The following COLEC10 variants were observed in gnomAD, a reference collection of about 807,000 sequenced individuals.
The protein encoded by COLEC10 is collectin subfamily member 10.
In COLEC10, 22 loss-of-function variants were observed where a neutral mutation model predicts 28.4. The observed-to-expected ratio is 0.78, with a 90% CI of 0.55 to 1.11. The LOEUF (loss-of-function observed/expected upper bound fraction) is 1.11, where lower values mean the gene tolerates loss of function less well. COLEC10 is among the 50% of genes least tolerant of loss of function. COLEC10 has a pLI of 0.00. For synonymous variants in COLEC10, 125 were observed against 116.1 expected (o/e 1.08, Z -0.49); for missense variants, 361 against 344.1 (o/e 1.05, Z -0.39).
intron 1 of COLEC10, among the ~76,000 whole-genome samples, chr8:119,069,189 C>T (rs1815036670): frequency 6.6e-6 from 1 of 152,178 alleles, no homozygotes; most frequent in Non-Finnish European, 1.5e-5. Flanking sequence ...AAATTTCCTA[C>T]ACACCTAAAT....
the COLEC10 span, among the ~76,000 whole-genome samples, chr8:118,953,026 A>G: frequency 4.1e-4 from 63 of 152,228 alleles, no homozygotes; most frequent in African/African-American, 1.5e-3. Context: ...ACCAGATTCA[A>G]GGGAAGGAAG....
At chr8:119,057,005 C>A (rs1814773619) in intron 2 of COLEC10, among the ~76,000 whole-genome samples, 1 of 152,028 alleles carries the variant, frequency 6.6e-6, no homozygotes, top group South Asian at 2.1e-4. Flanking sequence ...TCTTTTATTC[C>A]TCTCCCACTT....
At chr8:119,020,811 C>T (rs919492139) in intron 2 of COLEC10, among the ~76,000 whole-genome samples, 1 of 152,014 alleles carries the variant, frequency 6.6e-6, no homozygotes, top group African/African-American at 2.4e-5. Flanking sequence ...TTACAACATG[C>T]CTAGTTCTTC....
At chr8:118,974,802 C>A in the COLEC10 span, among the ~76,000 whole-genome samples, 2 of 152,016 alleles carry the variant, frequency 1.3e-5, no homozygotes, top group African/African-American at 4.8e-5. Context: ...CAACCTTATC[C>A]ATTACTATCA....
chr8:118,957,431 A>G, the COLEC10 span, among the ~76,000 whole-genome samples: 1 of 152,186 alleles, frequency 6.6e-6, no homozygotes, highest in Non-Finnish European at 1.5e-5. Context: ...TGATCAGACA[A>G]TGGAGGTAGA....
At chr8:119,023,741 C>T (rs1327630969) in intron 2 of COLEC10, among the ~76,000 whole-genome samples, 1 of 152,116 alleles carries the variant, frequency 6.6e-6, no homozygotes, top group Non-Finnish European at 1.5e-5. Flanking sequence ...AACATTCATT[C>T]TCTATTTTTC....
At chr8:118,965,589 C>A in the COLEC10 span, among the ~76,000 whole-genome samples, 1 of 151,826 alleles carries the variant, frequency 6.6e-6, no homozygotes, top group South Asian at 2.1e-4. Context: ...GTGTGCCTGG[C>A]AATTCCAGTC....
chr8:118,985,428 G>C, the COLEC10 span, among the ~76,000 whole-genome samples: 17 of 152,042 alleles, frequency 1.1e-4, no homozygotes, highest in African/African-American at 2.4e-5. Flanking sequence ...TATTGTGCAG[G>C]AGTATGAGAG....
At chr8:119,089,293 C>T (rs1815542044) in intron 1 of COLEC10, among the ~76,000 whole-genome samples, 1 of 151,996 alleles carries the variant, frequency 6.6e-6, no homozygotes, top group African/African-American at 2.4e-5. Context: ...CTCAAGCATG[C>T]AGTCAGAGAG....
At chr8:118,969,319 C>T in the COLEC10 span, among the ~76,000 whole-genome samples, 17 of 152,112 alleles carry the variant, frequency 1.1e-4, no homozygotes, top group East Asian at 3.3e-3. Flanking sequence ...TTTCTTTAAG[C>T]CACTAGATGT....
chr8:119,102,394 C>T lies in COLEC10; in HGVS notation c.339C>T (p.Gly113=). The T allele has an allele frequency of 1.2e-6, 2 of 1,609,284 alleles. No homozygotes were observed. Among genetic ancestry groups the T allele is most frequent in the Non-Finnish European group, 1.7e-6 (2 of 1,177,450 alleles). The change falls in exon 4 of 6, where the codon GGC becomes GGT. Residue 113 remains glycine, a synonymous_variant. Coordinates refer to ENST00000332843, the MANE Select transcript of COLEC10 (RefSeq NM_006438.5). ...KGLLGIPGEK[G]KAGTVCDCGR... is the part of the protein sequence containing the mutation. ...TGCTTGGAATACCTGGAGAAAAAGG[C>T]AAAGCAGGTACGATATGTTCAATGT...
chr8:119,036,504 A>T (rs998252236), intron 2 of COLEC10, among the ~76,000 whole-genome samples: 1 of 152,204 alleles, frequency 6.6e-6, no homozygotes, highest in Non-Finnish European at 1.5e-5. Flanking sequence ...ACATTTTGAC[A>T]GATATAAGTT....
At chr8:119,093,200 G>A (rs1417842133) in intron 3 of COLEC10, among the ~76,000 whole-genome samples, 1 of 152,192 alleles carries the variant, frequency 6.6e-6, no homozygotes, top group Admixed American at 6.5e-5. Flanking sequence ...TTGTCCAGCA[G>A]TATGTCCCTG....
chr8:118,988,330 C>T, the COLEC10 span, among the ~76,000 whole-genome samples: 1 of 152,010 alleles, frequency 6.6e-6, no homozygotes, highest in Admixed American at 6.6e-5. Context: ...GAAATGTGTC[C>T]AACTCCTCTC....
At chr8:118,962,702 T>A in the COLEC10 span, among the ~76,000 whole-genome samples, 1 of 152,244 alleles carries the variant, frequency 6.6e-6, no homozygotes, top group Non-Finnish European at 1.5e-5. Flanking sequence ...TGTTATACAG[T>A]AAATTTCTAG....
the COLEC10 span, among the ~76,000 whole-genome samples, chr8:118,958,936 CTGATTCTGCCTGGCAGG>C: frequency 6.6e-6 from 1 of 152,274 alleles, no homozygotes; most frequent in Non-Finnish European, 1.5e-5. Context: ...CTCAAGGCAG[CTGATTCTGCCTGGCAGG>C]TGTGGGATGT....
chr8:118,960,856 G>C, the COLEC10 span, among the ~76,000 whole-genome samples: 2 of 149,864 alleles, frequency 1.3e-5, no homozygotes, highest in African/African-American at 4.9e-5. Context: ...AAGAGGACCA[G>C]ACAATATGGA....
chr8:118,969,582 A>G, the COLEC10 span, among the ~76,000 whole-genome samples: 8 of 151,942 alleles, frequency 5.3e-5, no homozygotes, highest in African/African-American at 1.9e-4. Flanking sequence ...AGAGTCCCCC[A>G]TAAGTGAGAT....
At position 119,079,387 on chromosome 8, in the gene COLEC10, A is replaced by G. The variant is rs184878973; in HGVS notation, c.149-10293A>G. Among the ~76,000 whole-genome samples the G allele has an allele frequency of 5.2e-3, 795 of 152,262 alleles. 6 individuals carry two copies. The highest frequency in any genetic ancestry group is 9.0e-3 in the Non-Finnish European group (609 of 68,018). Reference sequence around the variant, plus strand: ...TTTCAGTGATGGAGCCTGGACTTGAACCAAGCGCTTTGATCCCAGATCCTA... The same window carrying G: ...TTTCAGTGATGGAGCCTGGACTTGAGCCAAGCGCTTTGATCCCAGATCCTA... On this transcript the variant is annotated intron_variant, in intron 1 of 5. Coordinates refer to ENST00000332843, the MANE Select transcript of COLEC10 (RefSeq NM_006438.5).
Sources: allele counts gnomAD v4.1 joint callset (sites outside exome capture counted in the v4.1 genomes callset), GRCh38; gene constraint gnomAD v4.1.1; transcripts MANE v1.5; gene names NCBI Gene and HGNC (gene_info 2026-07-23, HGNC 2026-07-21).